Variants in SEMA3D observed in about 807,000 individuals in gnomAD.
The protein encoded by SEMA3D is semaphorin 3D.
A neutral mutation model predicts 100.1 loss-of-function variants in SEMA3D; 84 were observed. The ratio of observed to expected loss-of-function variants is 0.84; its 90% CI spans 0.70 to 1.01. The LOEUF (loss-of-function observed/expected upper bound fraction) is 1.01, where lower values mean the gene tolerates loss of function less well. Ranked by LOEUF, SEMA3D falls within the 50% of genes least tolerant of loss-of-function variation. The probability of loss-of-function intolerance (pLI) is 0.00; values close to 1 mark genes in which losing one functional copy is unlikely to be tolerated. For missense variants in SEMA3D, 875 were observed against 934.1 expected (o/e 0.94, Z 0.82); for synonymous variants, 312 against 320.7 (o/e 0.97, Z 0.29).
At chr7:85,066,727 A>G (rs1791631574) in intron 7 of SEMA3D, among the ~76,000 whole-genome samples, 1 of 152,084 alleles carries the variant, frequency 6.6e-6, no homozygotes, top group East Asian at 1.9e-4. Flanking sequence ...ACTGAAATTT[A>G]TTTTTGCTCA....
the SEMA3D span, among the ~76,000 whole-genome samples, chr7:85,239,387 G>A: frequency 0.11 from 17,294 of 152,134 alleles, 2,668 homozygotes; most frequent in African/African-American, 0.35. Flanking sequence ...GTGGGGCATC[G>A]TCTCGAAGCA....
intron 2 of SEMA3D, chr7:85,140,583 CTATATCTA>C: frequency 1.1e-6 from 1 of 937,994 alleles, no homozygotes; most frequent in Non-Finnish European, 1.3e-6. Flanking sequence ...TTATCTATAT[CTATATCTA>C]TATATCTCTA....
chr7:85,128,344 AT>A, intron 2 of SEMA3D, among the ~76,000 whole-genome samples: 1 of 151,100 alleles, frequency 6.6e-6, no homozygotes, highest in African/African-American at 2.4e-5. Flanking sequence ...AATTTTTTGT[AT>A]TTTTTAGTAG....
chr7:85,044,842 A>G (rs1367531049), intron 9 of SEMA3D, among the ~76,000 whole-genome samples: 8 of 152,112 alleles, frequency 5.3e-5, no homozygotes, highest in African/African-American at 1.9e-4. Context: ...AAAAAGCACA[A>G]TAATTTTTAG....
chr7:85,242,039 A>T, the SEMA3D span, among the ~76,000 whole-genome samples: 2 of 147,172 alleles, frequency 1.4e-5, no homozygotes, highest in African/African-American at 5.0e-5. Context: ...GAGCTACCAT[A>T]AAAAAAAAAG....
chr7:85,055,388 T>C (rs2116077013), intron 9 of SEMA3D, among the ~76,000 whole-genome samples: 1 of 151,874 alleles, frequency 6.6e-6, no homozygotes, highest in East Asian at 1.9e-4. Flanking sequence ...AGACCTTCAA[T>C]AAAAGAAATA....
rs2115697370 is a variant in SEMA3D at position 84,999,763 on chromosome 7, T to C, written c.2011A>G (p.Thr671Ala). ...GMYYCKAQEHTFIHTIVKLTL... is the reference protein window; with the variant it reads ...GMYYCKAQEHAFIHTIVKLTL... ...AGCTTCACTATGGTGTGGATGAAAGTGTGCTCCTGGGCTTTGCAGTAATAC... is the reference window on the plus strand; with the variant it reads ...AGCTTCACTATGGTGTGGATGAAAGCGTGCTCCTGGGCTTTGCAGTAATAC... Residue 671 changes from threonine (T) to alanine (A), a missense_variant, in exon 19 of 19, where the codon ACT (threonine) becomes GCT (alanine). By Grantham distance (58) the Thr-to-Ala change is moderately conservative. Transcript: ENST00000284136. 6.2e-7 allele frequency: 1 copy of C among 1,614,086 alleles called. No homozygotes were observed. Among genetic ancestry groups the C allele is most frequent in the Non-Finnish European group, 8.5e-7 (1 of 1,180,022 alleles).
chr7:85,136,330 A>C (rs1027067869), intron 2 of SEMA3D, among the ~76,000 whole-genome samples: 1 of 152,156 alleles, frequency 6.6e-6, no homozygotes, highest in African/African-American at 2.4e-5. Context: ...TCCTTTAAAA[A>C]GTTGACTTCT....
At chr7:85,185,796 G>C (rs1042996834) in intron 1 of SEMA3D, among the ~76,000 whole-genome samples, 3 of 152,174 alleles carry the variant, frequency 2.0e-5, no homozygotes, top group Non-Finnish European at 4.4e-5. Flanking sequence ...GCGCTACCAG[G>C]GTAGCCCATT....
At chr7:85,192,083 T>C in the SEMA3D span, among the ~76,000 whole-genome samples, 1 of 152,162 alleles carries the variant, frequency 6.6e-6, no homozygotes, top group Non-Finnish European at 1.5e-5. Flanking sequence ...TATTTTTATC[T>C]CCTTTTGCCC....
At chr7:85,073,595 C>G (rs972519265) in intron 5 of SEMA3D, among the ~76,000 whole-genome samples, 4 of 152,134 alleles carry the variant, frequency 2.6e-5, no homozygotes, top group African/African-American at 7.2e-5. Context: ...CAGAATTTAT[C>G]ATGATCTGTT....
chr7:85,105,475 A>C (rs1195788595), intron 3 of SEMA3D, among the ~76,000 whole-genome samples: 1 of 152,098 alleles, frequency 6.6e-6, no homozygotes, highest in Non-Finnish European at 1.5e-5. Context: ...CCCTTTAGCA[A>C]CACAAAAATA....
chr7:85,160,147 T>A (rs947592562), intron 1 of SEMA3D: 13 of 558,290 alleles, frequency 2.3e-5, no homozygotes, highest in Non-Finnish European at 2.3e-6. Context: ...AAGCTACTTA[T>A]TGATCTGATA....
chr7:85,029,575 T>A (rs912433145), intron 12 of SEMA3D: 26 of 517,736 alleles, frequency 5.0e-5, no homozygotes, highest in African/African-American at 3.9e-4. Flanking sequence ...AAGTCCATGA[T>A]AACCAAACTG....
chr7:85,163,341 G>T (rs180819255), intron 1 of SEMA3D, among the ~76,000 whole-genome samples: 15 of 152,088 alleles, frequency 9.9e-5, no homozygotes, highest in African/African-American at 3.6e-4. Flanking sequence ...AATTCAGTAA[G>T]AAAATTGTTA....
At chr7:85,009,198 A>C (rs1789884255) in intron 17 of SEMA3D, among the ~76,000 whole-genome samples, 1 of 151,836 alleles carries the variant, frequency 6.6e-6, no homozygotes, top group Non-Finnish European at 1.5e-5. Flanking sequence ...TGCAGTCAAA[A>C]AAATTTTTAT....
At chr7:85,139,131 C>A (rs561519473) in intron 2 of SEMA3D, among the ~76,000 whole-genome samples, 1 of 152,108 alleles carries the variant, frequency 6.6e-6, no homozygotes, top group South Asian at 2.1e-4. Context: ...TGGCACACTC[C>A]ATTATTCAAA....
chr7:85,168,870 AAAG>A (rs1305801195), intron 1 of SEMA3D, among the ~76,000 whole-genome samples: 60 of 145,718 alleles, frequency 4.1e-4, no homozygotes, highest in Middle Eastern at 7.0e-3. Context: ...AGAAAGAAAG[AAAG>A]AAAGAAAAGA....
At chr7:85,004,162 G>A (rs915755029) in intron 18 of SEMA3D, among the ~76,000 whole-genome samples, 9 of 151,874 alleles carry the variant, frequency 5.9e-5, no homozygotes, top group Non-Finnish European at 1.3e-4. Context: ...GACATTAAAT[G>A]ATAATGGAAA....
Sources: allele counts gnomAD v4.1 joint callset (sites outside exome capture counted in the v4.1 genomes callset), GRCh38; gene constraint gnomAD v4.1.1; transcripts MANE v1.5; gene names NCBI Gene and HGNC (gene_info 2026-07-23, HGNC 2026-07-21).